TMEM214: variants seen among roughly 807,000 people sequenced by gnomAD.
The protein encoded by TMEM214 is transmembrane protein 214.
Under a neutral mutation model 89.8 loss-of-function variants are expected in TMEM214, and 71 were observed. That is an observed-to-expected ratio of 0.79 (90% CI 0.65 to 0.96). The LOEUF is 0.96. TMEM214 is among the 40% of genes least tolerant of loss of function. The probability of loss-of-function intolerance (pLI) is 0.00; values close to 1 mark genes in which losing one functional copy is unlikely to be tolerated. For synonymous variants in TMEM214, 332 were observed against 349.5 expected, an observed-to-expected ratio of 0.95 and a Z score of 0.56; for missense variants, 754 against 843.4, an observed-to-expected ratio of 0.89 and a Z score of 1.31.
chr2:27,037,694 A>AC lies in TMEM214; in HGVS notation c.1144_1145insC (p.Lys382ThrfsTer10). On this transcript the variant is annotated frameshift_variant, in exon 9 of 17. Transcript: ENST00000238788. LOFTEE classifies it high-confidence loss of function. ...CACCCCTAGCTGTCCCCCTGAGATG[A>AC]AGAAAGAGGTGAGGATATGGTGGGA... 4 of 1,614,124 alleles carry AC rather than the reference A, an allele frequency of 2.5e-6. No homozygotes were observed. Among genetic ancestry groups the AC allele is most frequent in the Non-Finnish European group, 3.4e-6 (4 of 1,180,012 alleles).
In TMEM214 at chr2:27,038,525, C is replaced by T. The variant is rs1186249949; in HGVS notation, c.1286C>T (p.Pro429Leu). 1 of 1,613,894 alleles carries T rather than the reference C, an allele frequency of 6.2e-7. No individual in the cohort carries two copies. Among genetic ancestry groups the T allele is most frequent in the African/African-American group, 1.3e-5 (1 of 74,896 alleles). ...EHLLSSWEQI[P>L]KKVQKSLQET... ...TTGCTCAGCTCCTGGGAGCAGATTC[C>T]CAAGAAGGTGAGGAGCTGGGAGGAC... The change falls in exon 11 of 17, where the codon CCC becomes CTC. Residue 429 changes from proline (P) to leucine (L), a missense_variant. Coordinates refer to ENST00000238788, the MANE Select transcript of TMEM214 (RefSeq NM_017727.5). This position sits in a 1 kb window ranked among gnomAD's most constrained non-coding sequence, Gnocchi z 4.4.
intron 3 of TMEM214, 142 bp from the exon 4 acceptor site, chr2:27,035,452 C>T: frequency 7.0e-7 from 1 of 1,421,546 alleles, no homozygotes. Flanking sequence ...GTGATCCTCC[C>T]TCTGGGCCTC....
At chr2:27,040,600 G>A (rs41288795) in intron 16 of TMEM214, 104 bp downstream of exon 16, 98 of 1,582,070 alleles carry the variant, frequency 6.2e-5, no homozygotes, top group Non-Finnish European at 7.6e-5. Flanking sequence ...CCTGCCCCTC[G>A]CTCCCATTCC....
intron 1 of TMEM214, 30 bp downstream of exon 1, chr2:27,033,196 C>G: frequency 8.0e-7 from 1 of 1,246,662 alleles, no homozygotes; most frequent in Non-Finnish European, 1.0e-6. Flanking sequence ...CGCCGCCTAC[C>G]CCAGGCCTGT....
intron 13 of TMEM214, chr2:27,039,512 C>T: frequency 1.7e-6 from 1 of 602,840 alleles, no homozygotes; most frequent in East Asian, 2.8e-5. Context: ...TTCCTGAAGC[C>T]TGAGCCTAGG....
chr2:27,038,315 A>G lies in TMEM214; in HGVS notation c.1244+78A>G. 2 of 1,568,502 alleles carry G rather than the reference A, an allele frequency of 1.3e-6. No individual in the cohort carries two copies. The highest frequency in any genetic ancestry group is 3.4e-5 in the Admixed American group (2 of 59,676). On this transcript the variant is annotated intron_variant, in intron 10 of 16. Coordinates refer to ENST00000238788, the MANE Select transcript of TMEM214 (RefSeq NM_017727.5). This position sits in a 1 kb window ranked among gnomAD's most constrained non-coding sequence, Gnocchi z 4.4. ...CTGGGTCACTGTCCCATGGCCTGAC[A>G]CCTTTCAGGCTGAGTGGGAACATTG...
chr2:27,040,302 A>C (rs1400328458), intron 15 of TMEM214, 43 bp from the exon 16 acceptor site: 1 of 1,611,908 alleles, frequency 6.2e-7, no homozygotes, highest in Non-Finnish European at 8.5e-7. Flanking sequence ...GCCAGGATGC[A>C]GTTCCCTGGA....
rs1298973858 is a variant in TMEM214 at position 27,038,876 on chromosome 2, T to C, written c.1407+61T>C. 6.6e-7 allele frequency: 1 copy of C among 1,522,664 alleles called. No individual in the cohort carries two copies. 94.3% of individuals were successfully genotyped at this position (1,522,664 alleles called of 1,614,324 possible). ...TCTTACATCTCTGTCTCAGCACACC[T>C]GGGTTGGGCCTGTATCACATTCCTG... On this transcript the variant is annotated intron_variant, in intron 12 of 16. Coordinates refer to ENST00000238788, the MANE Select transcript of TMEM214 (RefSeq NM_017727.5). The surrounding 1 kb of genome is among the most constrained non-coding windows in gnomAD (Gnocchi z 4.4).
rs887712464 is a variant in TMEM214 at position 27,032,994 on chromosome 2, C to G, written c.-22C>G. 16 of 1,245,368 alleles carry G rather than the reference C, an allele frequency of 1.3e-5. No homozygotes were observed. Among genetic ancestry groups the G allele is most frequent in the Non-Finnish European group, 1.6e-5 (16 of 987,426 alleles). 77.1% of individuals were successfully genotyped at this position (1,245,368 alleles called of 1,614,324 possible). Reference sequence around the variant, plus strand: ...CGGACCGGAAAGCCGGGGAAGTGGCCGAGGAGGGAGGGCTGCGAGCCATGG... The same window carrying G: ...CGGACCGGAAAGCCGGGGAAGTGGCGGAGGAGGGAGGGCTGCGAGCCATGG... On this transcript the variant is annotated 5_prime_UTR_variant, in exon 1 of 17. Coordinates refer to ENST00000238788, the MANE Select transcript of TMEM214 (RefSeq NM_017727.5).
Position 27,035,601 on chromosome 2 carries a change from C to T in TMEM214, c.510C>T (p.Pro170=), listed in dbSNP as rs200582235. ...GAGGCCTATGGGCCTTAGATTATCC[C>T]TACAGCCTGGTGAGCCGGGAGCTAC... ...PTLSQHTHDY[P]YSLVSRELRG... is the part of the protein sequence containing the mutation. Residue 170 remains proline, a synonymous_variant, in exon 4 of 17, where the codon CCC becomes CCT. Coordinates refer to ENST00000238788, the MANE Select transcript of TMEM214 (RefSeq NM_017727.5). 2 of 1,614,198 alleles carry T rather than the reference C, an allele frequency of 1.2e-6. No homozygotes were observed. The highest frequency in any genetic ancestry group is 2.2e-5 in the South Asian group (2 of 91,082).
chr2:27,039,698 G>T (rs1558400481), intron 13 of TMEM214, 43 bp from the exon 14 acceptor site: 11 of 1,540,876 alleles, frequency 7.1e-6, no homozygotes, highest in Non-Finnish European at 9.9e-6. Flanking sequence ...CCCAGTCCCT[G>T]CCCCTCTCAC....
At chr2:27,040,004 T>G in intron 14 of TMEM214, 26 bp from the exon 15 acceptor site, 1 of 1,598,458 alleles carries the variant, frequency 6.3e-7, no homozygotes, top group Admixed American at 1.7e-5. Context: ...CTCAGAGCCC[T>G]CTTCCCCCAC....
chr2:27,040,772 C>T lies in TMEM214; in HGVS notation c.2005C>T (p.Leu669Phe). Reference protein sequence around the residue: ...QLSEAVHWTWLCLQDITVAFL... With the variant: ...QLSEAVHWTWFCLQDITVAFL... ...CAGTGAGGCTGTCCACTGGACCTGGCTTTGCCTACAGGACATTACAGTGGC... is the reference window on the plus strand; with the variant it reads ...CAGTGAGGCTGTCCACTGGACCTGGTTTTGCCTACAGGACATTACAGTGGC... Residue 669 changes from leucine (L) to phenylalanine (F), a missense_variant, in exon 17 of 17, where the codon CTT becomes TTT. Transcript: ENST00000238788. The T allele has an allele frequency of 6.2e-7, 1 of 1,614,214 alleles. No homozygotes were observed. Among genetic ancestry groups the T allele is most frequent in the Non-Finnish European group, 8.5e-7 (1 of 1,180,040 alleles).
In TMEM214 at chr2:27,034,063, C is replaced by T. The variant is rs1667443857; in HGVS notation, c.152-4C>T. 6.2e-7 allele frequency: 1 copy of T among 1,613,982 alleles called. No individual in the cohort carries two copies. The highest frequency in any genetic ancestry group is 8.5e-7 in the Non-Finnish European group (1 of 1,179,964). On this transcript the variant is annotated splice_region_variant and splice_polypyrimidine_tract_variant and intron_variant, in intron 1 of 16. Coordinates refer to ENST00000238788, the MANE Select transcript of TMEM214 (RefSeq NM_017727.5). ...CTGCCTTTCTCTACCTATCTTCACCCCAGCTGCAATCCAGACCACAAGCAC... is the reference window on the plus strand; with the variant it reads ...CTGCCTTTCTCTACCTATCTTCACCTCAGCTGCAATCCAGACCACAAGCAC...
chr2:27,038,685 A>G lies in TMEM214; in HGVS notation c.1294-17A>G, dbSNP rs1177851831. ...AGCTCTGGATTCCCTCACAGGCCAG[A>G]CCTTTCTTGTCCATAGGTACAGAAG... On this transcript the variant is annotated splice_polypyrimidine_tract_variant and intron_variant, in intron 11 of 16. Transcript: ENST00000238788. This position sits in a 1 kb window ranked among gnomAD's most constrained non-coding sequence, Gnocchi z 4.4. 6.2e-7 allele frequency: 1 copy of G among 1,612,598 alleles called. No homozygotes were observed. Among genetic ancestry groups the G allele is most frequent in the African/African-American group, 1.3e-5 (1 of 74,870 alleles).
chr2:27,038,878 G>T lies in TMEM214; in HGVS notation c.1407+63G>T, dbSNP rs1202232706. 1 of 1,512,034 alleles carries T rather than the reference G, an allele frequency of 6.6e-7. No homozygotes were observed. The highest frequency in any genetic ancestry group is 2.3e-5 in the East Asian group (1 of 44,090). The allele number at this position is 1,512,034 out of a possible 1,614,324, so 93.7% of individuals were successfully genotyped here. The stretch of plus-strand genomic sequence containing the variant: ...TTACATCTCTGTCTCAGCACACCTG[G>T]GTTGGGCCTGTATCACATTCCTGCC... On this transcript the variant is annotated intron_variant, in intron 12 of 16. Transcript: ENST00000238788. The surrounding 1 kb of genome is among the most constrained non-coding windows in gnomAD (Gnocchi z 4.4).
rs1667810295 is a variant in TMEM214, at chr2:27,040,926, T to C, written c.*89T>C. ...GGTGGCAGTTCTTCATGGGAGTCTT[T>C]TTAACTTGGTGCCTGAGTTCTCTCC... On this transcript the variant is annotated 3_prime_UTR_variant, in exon 17 of 17. Coordinates refer to ENST00000238788, the MANE Select transcript of TMEM214 (RefSeq NM_017727.5). 2.0e-6 allele frequency: 3 copies of C among 1,528,470 alleles called. No individual in the cohort carries two copies. The highest frequency in any genetic ancestry group is 2.7e-5 in the African/African-American group (2 of 73,080). 94.7% of individuals were successfully genotyped at this position (1,528,470 alleles called of 1,614,324 possible). A position where few individuals can be genotyped will look rare whatever the true frequency, so the allele number is the denominator to read the frequency against.
rs1667528184 is a variant in TMEM214, at chr2:27,035,699, C to T, written c.608C>T (p.Thr203Ile). 3 of 1,614,084 alleles carry T rather than the reference C, an allele frequency of 1.9e-6. No individual in the cohort carries two copies. The highest frequency in any genetic ancestry group is 1.3e-5 in the African/African-American group (1 of 74,920). ...LELFFDHCLF[T>I]MLQELDKTPG... ...CTCTTTTTTGACCACTGTCTGTTCA[C>T]CATGTTGCAAGAGCTGGATAAGACA... The change falls in exon 4 of 17, where the codon ACC becomes ATC. Residue 203 changes from threonine (T) to isoleucine (I), a missense_variant. Physicochemically the swap from Thr to Ile is moderately conservative, Grantham distance 89. Coordinates refer to ENST00000238788, the MANE Select transcript of TMEM214 (RefSeq NM_017727.5).
rs1319519140 is a variant in TMEM214, at chr2:27,036,586, C to G, written c.820C>G (p.Leu274Val). The part of the protein sequence containing the change: ...QAGFANLTEG[L>V]KVWLGIMLPV... ...AGGTTTTGCCAACCTCACCGAGGGA[C>G]TGAAAGGTAACAGGGAAATAGGGAA... Residue 274 changes from leucine (L) to valine (V), a missense_variant, in exon 6 of 17, where the codon CTG (leucine) becomes GTG (valine). Transcript: ENST00000238788. The G allele has an allele frequency of 1.2e-6, 2 of 1,613,966 alleles. No homozygotes were observed. The highest frequency in any genetic ancestry group is 1.7e-6 in the Non-Finnish European group (2 of 1,179,972).
Sources: gnomAD v4.1 joint callset for allele counts on GRCh38, gnomAD v4.1.1 for gene constraint, Gnocchi (gnomAD v3.1) non-coding constraint, MANE v1.5 for transcripts, NCBI Gene and HGNC (gene_info 2026-07-23, HGNC 2026-07-21) for gene names.